Variants in RTN4 observed in about 807,000 individuals in gnomAD.
RTN4 encodes reticulon 4.
In RTN4, 32 loss-of-function variants were observed where a neutral mutation model predicts 90.4. That is an observed-to-expected ratio of 0.35 (90% CI 0.27 to 0.48). The LOEUF is 0.48. Among genes scored for constraint, RTN4 ranks in the 20% least tolerant of loss-of-function variants. The pLI is 0.99. For synonymous variants in RTN4, 629 were observed against 552.5 expected (o/e 1.14, Z -1.94); for missense variants, 1,706 against 1,430.2 (o/e 1.19, Z -3.11).
intron 1 of RTN4, chr2:55,049,411 C>G (rs1335942271): frequency 5.8e-6 from 2 of 343,014 alleles, no homozygotes; most frequent in Non-Finnish European, 1.1e-5. Context: ...AATCCACAAC[C>G]CTGGCTCTCG....
chr2:55,006,694 C>G (rs1394398405), intron 3 of RTN4, among the ~76,000 whole-genome samples: 1 of 152,136 alleles, frequency 6.6e-6, no homozygotes, highest in Non-Finnish European at 1.5e-5. Context: ...CAATAAAGAA[C>G]AGTGTTGCAC....
At chr2:54,986,004 G>A (rs910482093) in intron 4 of RTN4, among the ~76,000 whole-genome samples, 1 of 152,150 alleles carries the variant, frequency 6.6e-6, no homozygotes, top group African/African-American at 2.4e-5. Context: ...CGGATCATTT[G>A]GGGTCAGGGT....
chr2:55,009,189 T>A (rs950413120), intron 3 of RTN4, among the ~76,000 whole-genome samples: 1 of 152,130 alleles, frequency 6.6e-6, no homozygotes, highest in African/African-American at 2.4e-5. Flanking sequence ...TTTTTAATTA[T>A]AAAACTTGAA....
At chr2:55,100,088 A>G (rs191903301) in intron 1 of RTN4, among the ~76,000 whole-genome samples, 2 of 152,292 alleles carry the variant, frequency 1.3e-5, no homozygotes, top group Admixed American at 6.5e-5. Context: ...ATACTTGCAC[A>G]TATTAGAACA....
Position 54,987,622 on chromosome 2 carries a change from T to A in RTN4, c.3090A>T (p.Ser1030=). The change falls in exon 4 of 9, where the codon TCA becomes TCT. Residue 1030 remains serine, a synonymous_variant. Transcript: ENST00000337526. The part of the protein sequence containing the change: ...VFGASLFLLL[S]LTVFSIVSVT... ...CGCTCACAATGCTGAATACTGTCAA[T>A]GAAAGCAGCAGGAATAGGCTGGCAC... 1 of 1,614,202 alleles carries A rather than the reference T, an allele frequency of 6.2e-7. No individual in the cohort carries two copies. The highest frequency in any genetic ancestry group is 2.2e-5 in the East Asian group (1 of 44,880).
rs1573481038 is a variant in RTN4 at position 55,050,394 on chromosome 2, A to C, written c.-94T>G. On this transcript the variant is annotated 5_prime_UTR_variant, in exon 1 of 9. Transcript: ENST00000337526. This position sits in a 1 kb window ranked among gnomAD's most constrained non-coding sequence, Gnocchi z 4.6. ...CGGTTGTGGGGGTTGGGGAGGACTGAGAGGGGCTGGGCCGACTGAGCCGAG... is the reference window on the plus strand; with the variant it reads ...CGGTTGTGGGGGTTGGGGAGGACTGCGAGGGGCTGGGCCGACTGAGCCGAG... 1.4e-6 allele frequency: 1 copy of C among 734,644 alleles called. No homozygotes were observed. Among genetic ancestry groups the C allele is most frequent in the East Asian group, 3.2e-5 (1 of 31,718 alleles). The allele number at this position is 734,644 out of a possible 1,614,324, so 45.5% of individuals were successfully genotyped here.
At chr2:55,080,441 T>C (rs1327742901) in intron 2 of RTN4, 2 of 152,218 alleles carry the variant, frequency 1.3e-5, no homozygotes, top group African/African-American at 4.8e-5. Flanking sequence ...AAATGAAATA[T>C]GACATTCCTT....
intron 5 of RTN4, among the ~76,000 whole-genome samples, chr2:54,980,734 G>C (rs1459195148): frequency 2.0e-5 from 3 of 152,164 alleles, no homozygotes; most frequent in African/African-American, 4.8e-5. Flanking sequence ...GTCCTTTGCT[G>C]TTTGAAGCTC....
chr2:55,132,478 G>A, the RTN4 span, among the ~76,000 whole-genome samples: 36,689 of 149,528 alleles, frequency 0.25, 5,133 homozygotes, highest in East Asian at 0.5. Context: ...ACTCCAGCCT[G>A]GGCAACAGAG....
the RTN4 span, among the ~76,000 whole-genome samples, chr2:55,118,579 C>T: frequency 6.6e-6 from 1 of 150,386 alleles, no homozygotes; most frequent in Admixed American, 6.6e-5. Flanking sequence ...GTAAAACAAT[C>T]CTCCCTGCCC....
intron 2 of RTN4, among the ~76,000 whole-genome samples, chr2:55,067,065 T>C (rs544525239): frequency 1.2e-4 from 19 of 152,354 alleles, no homozygotes; most frequent in African/African-American, 4.6e-4. Context: ...ACTGTTCATA[T>C]ACTAAATTAT....
At chr2:55,115,885 C>T (rs935396479), upstream of RTN4, among the ~76,000 whole-genome samples, 1 of 152,084 alleles carries the variant, frequency 6.6e-6, no homozygotes, top group Admixed American at 6.6e-5. Context: ...ATTTTTTAAC[C>T]CTTGAAACAT....
rs1380568428 is a variant in RTN4, at chr2:54,973,782, G to GTCTATTACA, written c.3477+38_3477+39insTGTAATAGA. 15 of 1,567,774 alleles carry GTCTATTACA rather than the reference G, an allele frequency of 9.6e-6. No homozygotes were observed. The Admixed American group carries it at 1.0e-4, about 11-fold the overall frequency. On this transcript the variant is annotated intron_variant, in intron 7 of 8. Transcript: ENST00000337526. The stretch of plus-strand genomic sequence containing the variant: ...CCGTAAATCCCATGTAATAGAGTGA[G>GTCTATTACA]TGCTCTATTCTGAAGTCAGCAGTTA...
At position 54,977,274 on chromosome 2, in the gene RTN4, T is replaced by G. The variant is rs184301013; in HGVS notation, c.3361-2510A>C. Among the ~76,000 whole-genome samples the G allele has an allele frequency of 7.3e-4, 111 of 152,308 alleles. 1 individual carries two copies. Among genetic ancestry groups the G allele is most frequent in the African/African-American group, 2.2e-3 (93 of 41,566 alleles). ...ACTCTCTCTATATCCCCAGCCCACT[T>G]CCTTCTAATTTTTCTGAGAGCTCAA... On this transcript the variant is annotated intron_variant, in intron 5 of 8. Transcript: ENST00000337526.
In RTN4 at chr2:55,044,227, T is replaced by A. The variant is rs574426028; in HGVS notation, c.556+5518A>T. Among the ~76,000 whole-genome samples the A allele has an allele frequency of 1.4e-3, 217 of 152,138 alleles. 1 individual carries two copies. Among genetic ancestry groups the A allele is most frequent in the African/African-American group, 3.1e-3 (129 of 41,506 alleles). On this transcript the variant is annotated intron_variant, in intron 1 of 8. Transcript: ENST00000337526. The stretch of plus-strand genomic sequence containing the variant: ...TAAATACATAAATATAAAAGTTTTT[T>A]TAAAAAATTTTAAAAATAGCCAGCA...
the RTN4 span, among the ~76,000 whole-genome samples, chr2:55,128,066 C>G: frequency 6.6e-6 from 1 of 152,004 alleles, no homozygotes; most frequent in Non-Finnish European, 1.5e-5. Flanking sequence ...GCGAGATCTT[C>G]CCTTGTTGCC....
At chr2:55,114,530 C>T (rs186166336), upstream of RTN4, among the ~76,000 whole-genome samples, 180 of 152,220 alleles carry the variant, frequency 1.2e-3, no homozygotes, top group Non-Finnish European at 2.1e-3. Context: ...GAAACCCCGT[C>T]GCTACTAAAA....
chr2:55,055,322 T>C (rs914957836), upstream of RTN4, among the ~76,000 whole-genome samples: 1 of 151,092 alleles, frequency 6.6e-6, no homozygotes, highest in Non-Finnish European at 1.5e-5. Context: ...CAGAAAAGAG[T>C]CCACAAAATT....
At chr2:55,053,156 T>C (rs960543511), upstream of RTN4, among the ~76,000 whole-genome samples, 2 of 152,182 alleles carry the variant, frequency 1.3e-5, no homozygotes, top group African/African-American at 2.4e-5. Flanking sequence ...ATTTGATAGA[T>C]AGATGAGTAA....
Sources: allele counts gnomAD v4.1 joint callset (sites outside exome capture counted in the v4.1 genomes callset), GRCh38; gene constraint gnomAD v4.1.1; non-coding constraint Gnocchi (gnomAD v3.1); transcripts MANE v1.5; gene names NCBI Gene and HGNC (gene_info 2026-07-23, HGNC 2026-07-21).